Variants in ARHGAP18 observed in about 807,000 individuals in gnomAD.
ARHGAP18 encodes Rho GTPase activating protein 18, also known as rho GTPase-activating protein 18.
In ARHGAP18, 67 loss-of-function variants were observed where a neutral mutation model predicts 86.2. The ratio of observed to expected loss-of-function variants is 0.78; its 90% CI spans 0.64 to 0.95. The LOEUF (loss-of-function observed/expected upper bound fraction) is 0.95, where lower values mean the gene tolerates loss of function less well. ARHGAP18 is among the 40% of genes least tolerant of loss of function. The pLI is 0.00. For synonymous variants in ARHGAP18, 283 were observed against 280.4 expected, an observed-to-expected ratio of 1.01 and a Z score of -0.09; for missense variants, 691 against 780.4, an observed-to-expected ratio of 0.89 and a Z score of 1.37.
Position 129,580,055 on chromosome 6 carries a change from A to G in ARHGAP18, c.1900+15T>C. On this transcript the variant is annotated intron_variant, in intron 14 of 14. Transcript: ENST00000368149. ...AAACAGCATATAAAATGTAAAGAGA[A>G]AAAAAAGTGCTTACCAATATTTCCT... 1 of 1,603,882 alleles carries G rather than the reference A, an allele frequency of 6.2e-7. No homozygotes were observed. Among genetic ancestry groups the G allele is most frequent in the Non-Finnish European group, 8.5e-7 (1 of 1,171,338 alleles).
intron 1 of ARHGAP18, among the ~76,000 whole-genome samples, chr6:129,678,063 T>C (rs1041161779): frequency 3.9e-5 from 6 of 152,202 alleles, no homozygotes; most frequent in African/African-American, 1.4e-4. Flanking sequence ...CAAAGTAGAA[T>C]TGTCCTTGTT....
chr6:129,640,607 CAA>C (rs906702864), intron 2 of ARHGAP18, among the ~76,000 whole-genome samples: 27 of 152,044 alleles, frequency 1.8e-4, no homozygotes, highest in Non-Finnish European at 3.1e-4. Context: ...GAAAAAACCC[CAA>C]GTCTTCTTTT....
intron 1 of ARHGAP18, among the ~76,000 whole-genome samples, chr6:129,694,498 T>G (rs1774581455): frequency 1.3e-5 from 2 of 152,214 alleles, no homozygotes; most frequent in Admixed American, 1.3e-4. Context: ...ACACTGAAAC[T>G]GTGCCACTTT....
intron 1 of ARHGAP18, among the ~76,000 whole-genome samples, chr6:129,708,563 C>T (rs921326843): frequency 3.3e-5 from 5 of 152,168 alleles, no homozygotes; most frequent in Non-Finnish European, 5.9e-5. Flanking sequence ...TTGAGTCCTA[C>T]GTGAAAATGA....
At chr6:129,707,590 C>T (rs1364815395) in intron 1 of ARHGAP18, among the ~76,000 whole-genome samples, 1 of 151,874 alleles carries the variant, frequency 6.6e-6, no homozygotes, top group Non-Finnish European at 1.5e-5. Flanking sequence ...ACACTTCAGC[C>T]TCCTGAGTAG....
At chr6:129,646,333 T>C (rs1773578937) in intron 1 of ARHGAP18, among the ~76,000 whole-genome samples, 1 of 152,184 alleles carries the variant, frequency 6.6e-6, no homozygotes, top group South Asian at 2.1e-4. Context: ...AAGTGCCTCA[T>C]AGGTAACCAT....
intron 1 of ARHGAP18, among the ~76,000 whole-genome samples, chr6:129,696,279 G>A (rs1212717767): frequency 6.6e-6 from 1 of 152,092 alleles, no homozygotes; most frequent in Non-Finnish European, 1.5e-5. Context: ...AACAAATGAA[G>A]GCAGCAGCTT....
chr6:129,579,925 A>G (rs1372167498), intron 14 of ARHGAP18, 145 bp downstream of exon 14: 42 of 728,008 alleles, frequency 5.8e-5, no homozygotes, highest in Non-Finnish European at 8.6e-5. Context: ...TCAAACCATT[A>G]AAGAAATCCA....
At chr6:129,673,408 G>A (rs571425879) in intron 1 of ARHGAP18, among the ~76,000 whole-genome samples, 4 of 151,548 alleles carry the variant, frequency 2.6e-5, no homozygotes, top group South Asian at 2.1e-4. Context: ...CCAAATGAAG[G>A]TTAAGTTGTA....
intron 12 of ARHGAP18, chr6:129,596,830 C>G (rs573450102): frequency 2.6e-5 from 4 of 152,166 alleles, no homozygotes; most frequent in Non-Finnish European, 5.9e-5. Flanking sequence ...AGGAACGGCT[C>G]CTACTCAAAT....
intron 12 of ARHGAP18, among the ~76,000 whole-genome samples, chr6:129,588,221 G>A (rs548742637): frequency 4.0e-5 from 6 of 151,398 alleles, no homozygotes; most frequent in Non-Finnish European, 7.4e-5. Flanking sequence ...GGGTTCAAGC[G>A]ATTCTCCTGC....
rs746772039 is a variant in ARHGAP18, at chr6:129,616,310, GA to G, written c.953-8del. On this transcript the variant is annotated splice_polypyrimidine_tract_variant and splice_region_variant and intron_variant, in intron 6 of 14. Transcript: ENST00000368149. Reference sequence around the variant, plus strand: ...ACGCAAAAAAGACCAGAATCTGCAAGAAAAAAAATGAAATTTCCTCACTTTT... The same window carrying G: ...ACGCAAAAAAGACCAGAATCTGCAAGAAAAAAATGAAATTTCCTCACTTTT... The G allele has an allele frequency of 2.0e-5, 32 of 1,595,848 alleles. No individual in the cohort carries two copies. The highest frequency in any genetic ancestry group is 1.7e-4 in the Middle Eastern group (1 of 6,016).
chr6:129,685,570 C>T (rs10872344), intron 1 of ARHGAP18, among the ~76,000 whole-genome samples: 105,904 of 151,984 alleles, frequency 0.7, 37,197 homozygotes, highest in South Asian at 0.8. Flanking sequence ...ATAAAGCACA[C>T]AATACCAGGC....
chr6:129,707,496 T>A (rs1774820495), intron 1 of ARHGAP18, among the ~76,000 whole-genome samples: 1 of 151,988 alleles, frequency 6.6e-6, no homozygotes, highest in Non-Finnish European at 1.5e-5. Context: ...TGAGACAGGG[T>A]CTCACTCCCT....
At chr6:129,667,402 A>T (rs1054150861) in intron 1 of ARHGAP18, among the ~76,000 whole-genome samples, 6 of 151,914 alleles carry the variant, frequency 3.9e-5, no homozygotes, top group Non-Finnish European at 7.4e-5. Flanking sequence ...GCATTCAAAA[A>T]TTTAATATAA....
At chr6:129,678,405 C>T (rs1438883191) in intron 1 of ARHGAP18, among the ~76,000 whole-genome samples, 1 of 152,192 alleles carries the variant, frequency 6.6e-6, no homozygotes, top group Admixed American at 6.5e-5. Context: ...ACATATACAA[C>T]ACACTCAACG....
intron 2 of ARHGAP18, among the ~76,000 whole-genome samples, chr6:129,640,780 C>A (rs945346759): frequency 6.6e-6 from 1 of 152,128 alleles, no homozygotes; most frequent in Admixed American, 6.6e-5. Context: ...CTGATTGGGG[C>A]TCTCACATTT....
intron 8 of ARHGAP18, 44 bp downstream of exon 8, chr6:129,611,489 A>T: frequency 6.4e-7 from 1 of 1,556,708 alleles, no homozygotes; most frequent in Non-Finnish European, 8.9e-7. Flanking sequence ...GCATAAGTGT[A>T]AATAAACAAT....
intron 5 of ARHGAP18, among the ~76,000 whole-genome samples, chr6:129,623,290 C>G (rs1320154619): frequency 2.6e-5 from 4 of 152,146 alleles, no homozygotes; most frequent in Non-Finnish European, 5.9e-5. Context: ...AGTTACCTCT[C>G]TAACATGTTT....
Sources: allele counts gnomAD v4.1 joint callset (sites outside exome capture counted in the v4.1 genomes callset), GRCh38; gene constraint gnomAD v4.1.1; transcripts MANE v1.5; gene names NCBI Gene and HGNC (gene_info 2026-07-23, HGNC 2026-07-21).